PAICS: variants seen among roughly 807,000 people sequenced by gnomAD.
The protein encoded by PAICS is phosphoribosylaminoimidazole carboxylase and phosphoribosylaminoimidazolesuccinocarboxamide synthase, also known as bifunctional phosphoribosylaminoimidazole carboxylase/phosphoribosylaminoimidazole succinocarboxamide synthetase.
A neutral mutation model predicts 53.7 loss-of-function variants in PAICS; 33 were observed. That is an observed-to-expected ratio of 0.61 (90% CI 0.47 to 0.82). The LOEUF (loss-of-function observed/expected upper bound fraction) is 0.82, where lower values mean the gene tolerates loss of function less well. PAICS is among the 40% of genes least tolerant of loss of function. PAICS has a pLI of 0.00. For synonymous variants in PAICS, 141 were observed against 167.2 expected, an observed-to-expected ratio of 0.84 and a Z score of 1.21; for missense variants, 394 against 494.1, an observed-to-expected ratio of 0.80 and a Z score of 1.92.
At chr4:56,457,626 G>A (rs1056309619) in intron 8 of PAICS, among the ~76,000 whole-genome samples, 40 of 147,106 alleles carry the variant, frequency 2.7e-4, no homozygotes, top group African/African-American at 8.1e-4. Flanking sequence ...CAGTCATGTT[G>A]CTTCTCATCT....
At chr4:56,425,647 T>C in the PAICS span, among the ~76,000 whole-genome samples, 1 of 152,198 alleles carries the variant, frequency 6.6e-6, no homozygotes. Flanking sequence ...CAGAGGCATC[T>C]TTGTTGTGTT....
intron 8 of PAICS, among the ~76,000 whole-genome samples, 160 bp from the exon 9 acceptor site, chr4:56,459,212 G>A (rs1719375591): frequency 6.6e-6 from 1 of 152,150 alleles, no homozygotes; most frequent in Admixed American, 6.6e-5. Flanking sequence ...TACCACTCCG[G>A]TATTAAAGAC....
the PAICS span, among the ~76,000 whole-genome samples, chr4:56,417,716 G>A: frequency 1.3e-5 from 2 of 152,102 alleles, no homozygotes; most frequent in South Asian, 2.1e-4. Context: ...GAGCCCAGGG[G>A]TTCAAGGCTG....
upstream of PAICS, chr4:56,436,170 C>T (rs1717930592): frequency 1.3e-6 from 2 of 1,501,506 alleles, no homozygotes; most frequent in Admixed American, 2.2e-5. Context: ...GGTTAGGCGG[C>T]TGTAGCGGAG....
chr4:56,431,444 A>G, upstream of PAICS: 3 of 980,414 alleles, frequency 3.1e-6, no homozygotes, highest in Non-Finnish European at 3.6e-6. Flanking sequence ...ATCTCTTAAG[A>G]AAAGTGCTCC....
intron 8 of PAICS, among the ~76,000 whole-genome samples, chr4:56,455,401 A>G (rs1719144370): frequency 6.6e-6 from 1 of 152,076 alleles, no homozygotes; most frequent in Admixed American, 6.5e-5. Flanking sequence ...GAGCCCTCCA[A>G]CCTGGTCCAG....
At chr4:56,414,324 T>C in the PAICS span, 1 of 152,322 alleles carries the variant, frequency 6.6e-6, no homozygotes, top group East Asian at 1.9e-4. Context: ...GTGGTAAGGA[T>C]AGGCCACTTG....
intron 2 of PAICS, chr4:56,446,276 C>T (rs1718612538): frequency 2.9e-6 from 2 of 697,608 alleles, no homozygotes; most frequent in Non-Finnish European, 5.3e-6. Context: ...AACTGTGTAG[C>T]ATTAAACAAT....
chr4:56,460,536 ACT>A lies in PAICS; in HGVS notation c.*1003_*1004del, dbSNP rs989670593. On this transcript the variant is annotated 3_prime_UTR_variant, in exon 9 of 9. Coordinates refer to ENST00000512576, the MANE Select transcript of PAICS (RefSeq NM_001079524.2). ...ATTGCCCAAGGACTTCTAACAATAA[ACT>A]CTCTTTTGCACCACAGACTTCTTTG... 5 of 151,806 alleles carry A rather than the reference ACT, an allele frequency of 3.3e-5. No homozygotes were observed. The East Asian group carries it at 7.7e-4, about 23-fold the overall frequency. The allele number at this position is 151,806 out of a possible 1,614,324, so 9.4% of individuals were successfully genotyped here.
At chr4:56,454,413 G>A (rs73157772) in intron 8 of PAICS, among the ~76,000 whole-genome samples, 3,987 of 152,230 alleles carry the variant, frequency 0.026, 149 homozygotes, top group East Asian at 0.19. Context: ...AGGAATTTCT[G>A]TTAGTTGTTG....
At chr4:56,436,184 G>T, upstream of PAICS, 1 of 1,509,880 alleles carries the variant, frequency 6.6e-7, no homozygotes, top group South Asian at 1.3e-5. Flanking sequence ...AGCGGAGCTC[G>T]AAAAGAGTGG....
Position 56,448,449 on chromosome 4 carries a change from AGGAACAGC to A in PAICS, c.426_433del (p.Glu142AspfsTer17). ...GCCAATAATGACCCACAGTGGTCTG[AGGAACAGC>A]TGATTGCTGCAAAATTTTGCTTTGC... On this transcript the variant is annotated frameshift_variant, in exon 4 of 9. Transcript: ENST00000512576. LOFTEE classifies it high-confidence loss of function. The A allele has an allele frequency of 6.2e-7, 1 of 1,609,900 alleles. No homozygotes were observed. Among genetic ancestry groups the A allele is most frequent in the Non-Finnish European group, 8.5e-7 (1 of 1,177,130 alleles).
the PAICS span, chr4:56,425,577 T>A: frequency 6.2e-6 from 1 of 160,234 alleles, no homozygotes; most frequent in Non-Finnish European, 1.3e-5. Context: ...AAAGAATATA[T>A]CTAGTTTTGG....
At chr4:56,437,819 CAAAAAAAA>C (rs869109998) in intron 1 of PAICS, among the ~76,000 whole-genome samples, 5 of 21,592 alleles carry the variant, frequency 2.3e-4, no homozygotes, top group African/African-American at 6.8e-4. Context: ...GACTCTGTCT[CAAAAAAAA>C]AAAAAAAAAA....
chr4:56,423,391 G>A, the PAICS span: 1 of 152,184 alleles, frequency 6.6e-6, no homozygotes, highest in Admixed American at 6.5e-5. Flanking sequence ...GGGATGCTAA[G>A]ATTGAAGCAT....
At chr4:56,434,440 C>T (rs371414302), upstream of PAICS, among the ~76,000 whole-genome samples, 44 of 152,274 alleles carry the variant, frequency 2.9e-4, no homozygotes, top group East Asian at 7.1e-3. Context: ...GAATATCAAA[C>T]CCAGGTTTGT....
the PAICS span, among the ~76,000 whole-genome samples, chr4:56,423,850 A>T: frequency 2.0e-5 from 3 of 152,202 alleles, no homozygotes; most frequent in South Asian, 6.2e-4. Context: ...AAAAACTTAA[A>T]CAGGCAAGGA....
At chr4:56,449,038 A>T (rs1718765711) in intron 5 of PAICS, among the ~76,000 whole-genome samples, 1 of 152,220 alleles carries the variant, frequency 6.6e-6, no homozygotes, top group Non-Finnish European at 1.5e-5. Context: ...CTCATCTGTT[A>T]TCTTAATAAC....
In PAICS at chr4:56,459,550, A is replaced by G. The variant is rs1248781862; in HGVS notation, c.*12A>G. On this transcript the variant is annotated 3_prime_UTR_variant, in exon 9 of 9. Transcript: ENST00000512576. ...AATGTAATTTATAAGAAAGAATGCC[A>G]TTGAATTTTTTAGGGGAAAAACTAC... is the stretch of plus-strand genomic sequence containing the variant. The G allele has an allele frequency of 3.3e-6, 5 of 1,527,578 alleles. No homozygotes were observed. Among genetic ancestry groups the G allele is most frequent in the East Asian group, 2.3e-5 (1 of 43,542 alleles). 94.6% of individuals were successfully genotyped at this position (1,527,578 alleles called of 1,614,324 possible). A position where few individuals can be genotyped will look rare whatever the true frequency, so the allele number is the denominator to read the frequency against.
Sources: gnomAD v4.1 joint callset for allele counts (sites outside exome capture counted in the v4.1 genomes callset) on GRCh38, gnomAD v4.1.1 for gene constraint, MANE v1.5 for transcripts, NCBI Gene and HGNC (gene_info 2026-07-23, HGNC 2026-07-21) for gene names.